Variants in GFRAL observed in about 807,000 individuals in gnomAD.
The protein encoded by GFRAL is GDNF family receptor alpha-like.
A neutral mutation model predicts 45.4 loss-of-function variants in GFRAL; 36 were observed. The observed-to-expected ratio is 0.79, with a 90% confidence interval of 0.61 to 1.05. GFRAL has a LOEUF of 1.05. Ranked by LOEUF, GFRAL falls within the 50% of genes least tolerant of loss-of-function variation. GFRAL has a pLI of 0.00. For synonymous variants in GFRAL, 166 were observed against 154.1 expected, an observed-to-expected ratio of 1.08 and a Z score of -0.57; for missense variants, 507 against 467.5, an observed-to-expected ratio of 1.08 and a Z score of -0.78.
At chr6:55,327,860 T>A (rs911517284) in intron 1 of GFRAL, among the ~76,000 whole-genome samples, 1 of 152,028 alleles carries the variant, frequency 6.6e-6, no homozygotes, top group South Asian at 2.1e-4. Flanking sequence ...GAGTTACTTA[T>A]TAGGATTAAT....
At position 55,351,534 on chromosome 6, in the gene GFRAL, C is replaced by A. The variant is rs200268366; in HGVS notation, c.652C>A (p.Pro218Thr). The stretch of plus-strand genomic sequence containing the variant: ...ATGTGCAGTGAACATGGTTCCACCC[C>A]CTACTTGCCTCAGTGTAATTCGCAG... ...KTCAVNMVPPPTCLSVIRSCQ... is the reference protein window; with the variant it reads ...KTCAVNMVPPTTCLSVIRSCQ... Residue 218 changes from proline to threonine, a missense_variant, in exon 5 of 9, where the codon CCT becomes ACT. Pro to Thr is a conservative substitution (Grantham distance 38). Coordinates refer to ENST00000340465, the MANE Select transcript of GFRAL (RefSeq NM_207410.2). The A allele has an allele frequency of 3.1e-5, 50 of 1,607,798 alleles. No individual in the cohort carries two copies. The highest frequency in any genetic ancestry group is 4.0e-5 in the African/African-American group (3 of 74,762).
chr6:55,367,005 T>G (rs1263883011), intron 6 of GFRAL, among the ~76,000 whole-genome samples: 1 of 45,352 alleles, frequency 2.2e-5, no homozygotes, highest in Non-Finnish European at 3.9e-5. Flanking sequence ...TTGTTGACTT[T>G]CTGTCTCGTT....
At chr6:55,371,288 C>T (rs190002993) in intron 6 of GFRAL, among the ~76,000 whole-genome samples, 1 of 152,240 alleles carries the variant, frequency 6.6e-6, no homozygotes, top group Non-Finnish European at 1.5e-5. Flanking sequence ...CATTTGATTT[C>T]TACACATAAA....
chr6:55,369,908 G>T (rs1768428021), intron 6 of GFRAL, among the ~76,000 whole-genome samples: 1 of 152,078 alleles, frequency 6.6e-6, no homozygotes, highest in Non-Finnish European at 1.5e-5. Flanking sequence ...TGTTTGTGTG[G>T]ATATGTGAAG....
At chr6:55,384,131 G>A (rs148110733) in intron 6 of GFRAL, among the ~76,000 whole-genome samples, 2,316 of 152,032 alleles carry the variant, frequency 0.015, 34 homozygotes, top group Non-Finnish European at 0.025. Context: ...GGGGGGTTGG[G>A]AGCTAGTGGA....
At chr6:55,347,097 C>T (rs75804122) in intron 3 of GFRAL, among the ~76,000 whole-genome samples, 2,342 of 151,678 alleles carry the variant, frequency 0.015, 56 homozygotes, top group African/African-American at 0.051. Flanking sequence ...GAAGAAAGGA[C>T]GAAAAGACAA....
chr6:55,368,232 A>G (rs1217741274), intron 6 of GFRAL, among the ~76,000 whole-genome samples: 1 of 151,934 alleles, frequency 6.6e-6, no homozygotes, highest in Non-Finnish European at 1.5e-5. Flanking sequence ...AGTTGATCGC[A>G]TCAGCTCCTG....
intron 2 of GFRAL, 121 bp downstream of exon 2, chr6:55,331,970 A>G (rs1767835146): frequency 1.2e-6 from 1 of 838,962 alleles, no homozygotes; most frequent in African/African-American, 1.8e-5. Context: ...TTTAATCTTG[A>G]CCCCCATCGA....
At chr6:55,342,806 G>A (rs925130931) in intron 3 of GFRAL, among the ~76,000 whole-genome samples, 2 of 152,012 alleles carry the variant, frequency 1.3e-5, no homozygotes, top group Non-Finnish European at 2.9e-5. Flanking sequence ...GACACACATA[G>A]GCTCAAAATA....
chr6:55,394,024 C>T (rs965741895), intron 6 of GFRAL, among the ~76,000 whole-genome samples: 1 of 151,944 alleles, frequency 6.6e-6, no homozygotes, highest in Non-Finnish European at 1.5e-5. Flanking sequence ...ATAAAGATAC[C>T]TATTTATGTA....
At chr6:55,378,320 G>T (rs913240918) in intron 6 of GFRAL, among the ~76,000 whole-genome samples, 3 of 152,046 alleles carry the variant, frequency 2.0e-5, no homozygotes, top group South Asian at 2.1e-4. Flanking sequence ...TAGTTGGAAA[G>T]CATCACTACC....
At chr6:55,382,600 G>A (rs779154957) in intron 6 of GFRAL, among the ~76,000 whole-genome samples, 1 of 151,740 alleles carries the variant, frequency 6.6e-6, no homozygotes, top group African/African-American at 2.4e-5. Context: ...TTACATTTTT[G>A]ATTAAAAACA....
At chr6:55,356,676 A>AT (rs1226673787) in intron 5 of GFRAL, among the ~76,000 whole-genome samples, 3 of 151,324 alleles carry the variant, frequency 2.0e-5, no homozygotes, top group East Asian at 1.9e-4. Context: ...AATCTTTTGA[A>AT]TTTTTTTTGT....
chr6:55,363,744 A>G (rs1768313185), intron 6 of GFRAL, among the ~76,000 whole-genome samples: 1 of 151,434 alleles, frequency 6.6e-6, no homozygotes, highest in South Asian at 2.1e-4. Context: ...AATTTCATCC[A>G]TGTCCCTACA....
intron 2 of GFRAL, among the ~76,000 whole-genome samples, chr6:55,332,779 G>T (rs905470434): frequency 2.6e-5 from 4 of 152,038 alleles, no homozygotes; most frequent in Admixed American, 1.3e-4. Context: ...AGCTAAATAA[G>T]CATTGAATGA....
intron 6 of GFRAL, among the ~76,000 whole-genome samples, chr6:55,397,184 A>G (rs1768836216): frequency 6.6e-6 from 1 of 152,142 alleles, no homozygotes; most frequent in Admixed American, 6.5e-5. Context: ...TTTCTTAAAT[A>G]GATGGTAATC....
chr6:55,379,335 C>T (rs1438282822), intron 6 of GFRAL, among the ~76,000 whole-genome samples: 1 of 151,900 alleles, frequency 6.6e-6, no homozygotes, highest in East Asian at 1.9e-4. Context: ...ATCAGGGAGA[C>T]CCCAGTGTCT....
At chr6:55,379,720 A>C (rs1424215418) in intron 6 of GFRAL, among the ~76,000 whole-genome samples, 2 of 151,770 alleles carry the variant, frequency 1.3e-5, no homozygotes, top group African/African-American at 4.8e-5. Flanking sequence ...ATATATCATC[A>C]TTAACTATAG....
intron 8 of GFRAL, among the ~76,000 whole-genome samples, chr6:55,401,016 A>G (rs1017167088): frequency 3.3e-5 from 5 of 152,148 alleles, no homozygotes; most frequent in Admixed American, 6.5e-5. Context: ...TACAGATACA[A>G]GATATAGACT....
Sources: gnomAD v4.1 joint callset for allele counts (sites outside exome capture counted in the v4.1 genomes callset) on GRCh38, gnomAD v4.1.1 for gene constraint, MANE v1.5 for transcripts, NCBI Gene and HGNC (gene_info 2026-07-23, HGNC 2026-07-21) for gene names.